NPTXR: variants seen among roughly 807,000 people sequenced by gnomAD.
NPTXR encodes neuronal pentraxin receptor.
NPTXR carries 12 observed loss-of-function variants against 32.2 expected under a neutral mutation model. The observed-to-expected ratio is 0.37, with a 90% CI of 0.24 to 0.60. NPTXR has a LOEUF of 0.60. Ranked by LOEUF, NPTXR falls within the 20% of genes least tolerant of loss-of-function variation. The pLI is 0.66. For synonymous variants in NPTXR, 323 were observed against 315.8 expected (o/e 1.02, Z -0.24); for missense variants, 612 against 682.9 (o/e 0.90, Z 1.16).
chr22:38,822,317 A>G lies in NPTXR; in HGVS notation c.*292T>C, dbSNP rs568691355. 4.3e-5 allele frequency: 19 copies of G among 439,932 alleles called. No homozygotes were observed. The highest frequency in any genetic ancestry group is 3.4e-4 in the African/African-American group (17 of 50,062). 27.3% of individuals were successfully genotyped at this position (439,932 alleles called of 1,614,324 possible). ...GTGCTGTCAAAATTAGTGAAATCAG[A>G]TACAGTTGATGGGCAGGGAGGGTGG... On this transcript the variant is annotated 3_prime_UTR_variant, in exon 5 of 5. Coordinates refer to ENST00000333039, the MANE Select transcript of NPTXR (RefSeq NM_014293.4).
chr22:38,829,194 T>C (rs2093112316), intron 1 of NPTXR, among the ~76,000 whole-genome samples: 1 of 152,196 alleles, frequency 6.6e-6, no homozygotes, highest in Admixed American at 6.5e-5. Context: ...TTTGGAGAGT[T>C]GTGGGGAGGA....
At chr22:38,828,922 C>T (rs2093111914) in intron 1 of NPTXR, among the ~76,000 whole-genome samples, 1 of 152,230 alleles carries the variant, frequency 6.6e-6, no homozygotes, top group Non-Finnish European at 1.5e-5. Context: ...GTCTTCATTC[C>T]CTCACTCAGC....
intron 1 of NPTXR, among the ~76,000 whole-genome samples, chr22:38,833,608 C>G (rs556585945): frequency 5.9e-5 from 9 of 151,452 alleles, no homozygotes. Flanking sequence ...GCGCGGTAGG[C>G]ATAGGAAGCA....
intron 3 of NPTXR, among the ~76,000 whole-genome samples, chr22:38,824,450 C>T (rs1035918926): frequency 6.6e-6 from 1 of 151,998 alleles, no homozygotes; most frequent in African/African-American, 2.4e-5. Context: ...TAACGGAGGG[C>T]ATATGGGAGG....
At chr22:38,832,727 G>A (rs1181251920) in intron 1 of NPTXR, among the ~76,000 whole-genome samples, 1 of 152,238 alleles carries the variant, frequency 6.6e-6, no homozygotes. Context: ...CAGCACTCCA[G>A]CCTGGCCTTC....
chr22:38,828,706 T>C (rs2093111509), intron 1 of NPTXR, among the ~76,000 whole-genome samples, 194 bp from the exon 2 acceptor site: 1 of 152,248 alleles, frequency 6.6e-6, no homozygotes, highest in East Asian at 1.9e-4. Flanking sequence ...TTCCTGGTGC[T>C]GGCACATGAC....
chr22:38,842,179 C>T (rs1262399814), intron 1 of NPTXR, among the ~76,000 whole-genome samples: 6 of 152,230 alleles, frequency 3.9e-5, no homozygotes, highest in African/African-American at 7.2e-5. Flanking sequence ...ATTTACTCCC[C>T]GCCTCTCTCC....
chr22:38,823,038 C>T (rs1486448563), intron 4 of NPTXR, 45 bp downstream of exon 4: 4 of 1,606,084 alleles, frequency 2.5e-6, no homozygotes, highest in South Asian at 2.2e-5. Flanking sequence ...GTCTGCCCAT[C>T]TGCACAATTA....
At position 38,828,461 on chromosome 22, in the gene NPTXR, C is replaced by T; in HGVS notation, c.676G>A (p.Ala226Thr). The change falls in exon 2 of 5, where the codon GCT (alanine) becomes ACT (threonine). Residue 226 changes from alanine (A) to threonine (T), a missense_variant. Transcript: ENST00000333039. ...TTGGAGTGTAGGCCGGTGGGCACAG[C>T]AGAGACTGGGGCTGGGGCAGCTGAG... is the stretch of plus-strand genomic sequence containing the variant. The T allele has an allele frequency of 6.2e-7, 1 of 1,611,180 alleles. No homozygotes were observed. Among genetic ancestry groups the T allele is most frequent in the Non-Finnish European group, 8.5e-7 (1 of 1,179,210 alleles).
chr22:38,839,650 G>GA (rs796456137), intron 1 of NPTXR, among the ~76,000 whole-genome samples: 110 of 130,556 alleles, frequency 8.4e-4, no homozygotes, highest in East Asian at 1.6e-3. Context: ...GTCTCAAAAA[G>GA]AAAAAAAAAA....
rs1344440791 is a variant in NPTXR at position 38,843,013 on chromosome 22, G to T, written c.624+222C>A. 1.3e-5 allele frequency among the ~76,000 whole-genome samples: 2 copies of T among 152,228 alleles called. No individual in the cohort carries two copies. Among genetic ancestry groups the T allele is most frequent in the African/African-American group, 4.8e-5 (2 of 41,468 alleles). On this transcript the variant is annotated intron_variant, in intron 1 of 4. Coordinates refer to ENST00000333039, the MANE Select transcript of NPTXR (RefSeq NM_014293.4). The surrounding 1 kb of genome is among the most constrained non-coding windows in gnomAD (Gnocchi z 5.3). ...AGAGAGGTGCCTGGAGACGGAAAAGGGTGGGGAGCGAATCTTTCTGGCGCG... is the reference window on the plus strand; with the variant it reads ...AGAGAGGTGCCTGGAGACGGAAAAGTGTGGGGAGCGAATCTTTCTGGCGCG...
Position 38,843,568 on chromosome 22 carries a change from C to A in NPTXR, c.291G>T (p.Thr97=), listed in dbSNP as rs760247494. The change falls in exon 1 of 5, where the codon ACG becomes ACT. Residue 97 remains threonine (T), a synonymous_variant. Transcript: ENST00000333039. The surrounding 1 kb of genome is among the most constrained non-coding windows in gnomAD (Gnocchi z 5.3). ...CCGACGGGCAGGCAGCAGCCAGCGG[C>A]GTGCACAGGAAGCGGCTGAACAGGG... The A allele has an allele frequency of 8.1e-7, 1 of 1,227,868 alleles. No individual in the cohort carries two copies. The highest frequency in any genetic ancestry group is 3.4e-5 in the South Asian group (1 of 29,778). The allele number at this position is 1,227,868 out of a possible 1,614,324, so 76.1% of individuals were successfully genotyped here. A position where few individuals can be genotyped will look rare whatever the true frequency, so the allele number is the denominator to read the frequency against.
chr22:38,822,885 A>C, intron 4 of NPTXR, 52 bp from the exon 5 acceptor site: 1 of 1,549,478 alleles, frequency 6.5e-7, no homozygotes, highest in Non-Finnish European at 8.9e-7. Flanking sequence ...AGGGAGCAGA[A>C]AAGACAGGCA....
intron 1 of NPTXR, among the ~76,000 whole-genome samples, chr22:38,832,288 G>A (rs2146195792): frequency 6.6e-6 from 1 of 152,332 alleles, no homozygotes; most frequent in South Asian, 2.1e-4. Context: ...CGCAGGCTGT[G>A]CCGCGTGGGC....
At chr22:38,828,220 A>G in intron 2 of NPTXR, 67 bp downstream of exon 2, 1 of 1,318,190 alleles carries the variant, frequency 7.6e-7, no homozygotes. Context: ...GAGCATGGAT[A>G]TATTTTTTGA....
rs2093094410 is a variant in NPTXR, at chr22:38,820,151, T to A, written c.*2458A>T. On this transcript the variant is annotated 3_prime_UTR_variant, in exon 5 of 5. Transcript: ENST00000333039. ...AATTCTGCCGTCACCCCAGCAACAG[T>A]GCCAGTATGATGAGACACTTGACCC... is the stretch of plus-strand genomic sequence containing the variant. The A allele has an allele frequency of 6.6e-6, 1 of 152,656 alleles. No homozygotes were observed. The highest frequency in any genetic ancestry group is 2.4e-5 in the African/African-American group (1 of 41,450). The allele number at this position is 152,656 out of a possible 1,614,324, so 9.5% of individuals were successfully genotyped here.
Position 38,830,175 on chromosome 22 carries a change from G to A in NPTXR, c.625-1663C>T, listed in dbSNP as rs575489604. Among the ~76,000 whole-genome samples the A allele has an allele frequency of 7.4e-4, 112 of 152,302 alleles. 5 individuals carry two copies. The South Asian group carries it at 0.02, about 28-fold the overall frequency. On this transcript the variant is annotated intron_variant, in intron 1 of 4. Transcript: ENST00000333039. ...TGAGGAGTTGCAGGAACCGGCCCTCGGCTCTGCCACTGCCCCGTGAGAGTA... is the reference window on the plus strand; with the variant it reads ...TGAGGAGTTGCAGGAACCGGCCCTCAGCTCTGCCACTGCCCCGTGAGAGTA...
In NPTXR at chr22:38,843,794, A is replaced by T; in HGVS notation, c.65T>A (p.Ile22Asn). The change falls in exon 1 of 5, where the codon ATC (isoleucine) becomes AAC (asparagine). Residue 22 changes from isoleucine to asparagine, a missense_variant. Coordinates refer to ENST00000333039, the MANE Select transcript of NPTXR (RefSeq NM_014293.4). The surrounding 1 kb of genome is among the most constrained non-coding windows in gnomAD (Gnocchi z 5.3). ...GGCCGCCAGGGGCACGCTGGCGATG[A>T]TGCAGATGACGGCACCGAGGAACGC... 1.0e-6 allele frequency: 1 copy of T among 1,000,906 alleles called. No individual in the cohort carries two copies. The highest frequency in any genetic ancestry group is 1.2e-6 in the Non-Finnish European group (1 of 841,104). 62.0% of individuals were successfully genotyped at this position (1,000,906 alleles called of 1,614,324 possible). A position where few individuals can be genotyped will look rare whatever the true frequency, so the allele number is the denominator to read the frequency against.
chr22:38,823,548 G>A (rs1000843449), intron 3 of NPTXR, among the ~76,000 whole-genome samples: 2 of 152,226 alleles, frequency 1.3e-5, no homozygotes, highest in African/African-American at 4.8e-5. Flanking sequence ...GGGAGAGAGG[G>A]ATGTCTCATA....
Sources: allele counts gnomAD v4.1 joint callset (sites outside exome capture counted in the v4.1 genomes callset), GRCh38; gene constraint gnomAD v4.1.1; non-coding constraint Gnocchi (gnomAD v3.1); transcripts MANE v1.5; gene names NCBI Gene and HGNC (gene_info 2026-07-23, HGNC 2026-07-21).